TYW1: variants seen among roughly 807,000 people sequenced by gnomAD.
The protein encoded by TYW1 is S-adenosyl-L-methionine-dependent tRNA 4-demethylwyosine synthase TYW1.
Under a neutral mutation model 96.2 loss-of-function variants are expected in TYW1, and 46 were observed. The observed-to-expected ratio is 0.48, with a 90% confidence interval of 0.38 to 0.61. TYW1 has a LOEUF of 0.61. Ranked by LOEUF, TYW1 falls within the 20% of genes least tolerant of loss-of-function variation. The probability of loss-of-function intolerance (pLI) is 0.00; values close to 1 mark genes in which losing one functional copy is unlikely to be tolerated. For synonymous variants in TYW1, 274 were observed against 323.0 expected, an observed-to-expected ratio of 0.85 and a Z score of 1.63; for missense variants, 684 against 909.6, an observed-to-expected ratio of 0.75 and a Z score of 3.19.
intron 13 of TYW1, among the ~76,000 whole-genome samples, chr7:67,149,744 A>G (rs1221885508): frequency 3.5e-5 from 3 of 84,726 alleles, no homozygotes; most frequent in Non-Finnish European, 7.4e-5. Context: ...CTATCTATCT[A>G]TCTATCTATC....
At chr7:67,025,867 A>C (rs1348413357) in intron 7 of TYW1, among the ~76,000 whole-genome samples, 3 of 150,764 alleles carry the variant, frequency 2.0e-5, no homozygotes, top group Non-Finnish European at 4.4e-5. Flanking sequence ...ATAAGCCTTA[A>C]AAAAAAAAGC....
intron 13 of TYW1, among the ~76,000 whole-genome samples, chr7:67,164,044 A>C (rs550037595): frequency 6.6e-6 from 1 of 152,258 alleles, no homozygotes; most frequent in Admixed American, 6.5e-5. Flanking sequence ...AAACCCAACC[A>C]ATCTCATCTT....
chr7:67,014,638 C>T lies in TYW1; in HGVS notation c.570+77C>T, dbSNP rs531852364. On this transcript the variant is annotated intron_variant, in intron 5 of 15. Coordinates refer to ENST00000359626, the MANE Select transcript of TYW1 (RefSeq NM_018264.4). ...ACGCACACACACGTAAACACACACA[C>T]GTGCACACACGCACACACACATAAA... is the stretch of plus-strand genomic sequence containing the variant. 1.7e-4 allele frequency: 261 copies of T among 1,507,514 alleles called. No individual in the cohort carries two copies. In the African/African-American group the frequency reaches 2.0e-3, roughly 12 times the overall value. The allele number at this position is 1,507,514 out of a possible 1,614,324, so 93.4% of individuals were successfully genotyped here. A position where few individuals can be genotyped will look rare whatever the true frequency, so the allele number is the denominator to read the frequency against.
In TYW1 at chr7:67,018,152, C is replaced by T. The variant is rs1794093322; in HGVS notation, c.861+9C>T. 6.2e-7 allele frequency: 1 copy of T among 1,608,094 alleles called. No individual in the cohort carries two copies. The highest frequency in any genetic ancestry group is 1.7e-4 in the Middle Eastern group (1 of 6,044). The stretch of plus-strand genomic sequence containing the variant: ...ATCATAGAGACACCGAGGTATACCG[C>T]CTGTGTGTTCATCTCTCGAGGCTTT... On this transcript the variant is annotated intron_variant, in intron 6 of 15. Transcript: ENST00000359626.
intron 15 of TYW1, among the ~76,000 whole-genome samples, chr7:67,235,551 G>T (rs1277174142): frequency 6.6e-6 from 1 of 152,140 alleles, no homozygotes; most frequent in East Asian, 1.9e-4. Flanking sequence ...GATGTCAGTA[G>T]AACGGGTGGA....
intron 13 of TYW1, among the ~76,000 whole-genome samples, chr7:67,123,100 G>A (rs541050964): frequency 6.6e-6 from 1 of 152,258 alleles, no homozygotes; most frequent in South Asian, 2.1e-4. Context: ...GTTCTGACAA[G>A]TTTCCCTTCT....
At chr7:67,123,541 G>C (rs1353515769) in intron 13 of TYW1, among the ~76,000 whole-genome samples, 4 of 152,188 alleles carry the variant, frequency 2.6e-5, no homozygotes, top group Non-Finnish European at 5.9e-5. Flanking sequence ...ATGTCTAGTG[G>C]ATAATAGCTT....
At chr7:67,065,831 T>G (rs1795840128) in intron 9 of TYW1, among the ~76,000 whole-genome samples, 1 of 151,980 alleles carries the variant, frequency 6.6e-6, no homozygotes, top group Non-Finnish European at 1.5e-5. Context: ...ACCAATATGG[T>G]AAAACCCTGT....
Position 67,123,120 on chromosome 7 carries a change from A to AT in TYW1, c.1698+5506dup, listed in dbSNP as rs1797810034. 2.6e-5 allele frequency among the ~76,000 whole-genome samples: 4 copies of AT among 152,006 alleles called. No homozygotes were observed. In the South Asian group the frequency reaches 8.3e-4, roughly 32 times the overall value. On this transcript the variant is annotated intron_variant, in intron 13 of 15. Transcript: ENST00000359626. ...GACAAGTTTCCCTTCTTATTGACCT[A>AT]TTTTGTTTATTTCCACCTCTCATCA...
intron 10 of TYW1, among the ~76,000 whole-genome samples, chr7:67,069,009 T>A (rs1016971391): frequency 1.3e-5 from 2 of 152,228 alleles, no homozygotes; most frequent in East Asian, 3.8e-4. Context: ...CCAAAATGAT[T>A]TAATACTTTC....
intron 12 of TYW1, among the ~76,000 whole-genome samples, chr7:67,104,390 G>A (rs972621938): frequency 3.9e-5 from 6 of 152,186 alleles, no homozygotes; most frequent in African/African-American, 9.6e-5. Flanking sequence ...AGGAGGAAGA[G>A]AATGAAGGGG....
rs186158303 is a variant in TYW1, at chr7:67,239,072, C to G, written c.*543C>G. ...ACAACTCTCAATTATTTTTTAAATA[C>G]TGCATAGATTGAGTTTTGGTTTATT... On this transcript the variant is annotated 3_prime_UTR_variant, in exon 16 of 16. Coordinates refer to ENST00000359626, the MANE Select transcript of TYW1 (RefSeq NM_018264.4). The G allele has an allele frequency of 2.0e-6, 2 of 987,174 alleles. No individual in the cohort carries two copies. Among genetic ancestry groups the G allele is most frequent in the African/African-American group, 3.5e-5 (2 of 57,364 alleles). The allele number at this position is 987,174 out of a possible 1,614,324, so 61.2% of individuals were successfully genotyped here.
At chr7:67,140,519 A>G (rs1304227231) in intron 13 of TYW1, among the ~76,000 whole-genome samples, 1 of 152,214 alleles carries the variant, frequency 6.6e-6, no homozygotes, top group Non-Finnish European at 1.5e-5. Flanking sequence ...ATCATTAAAT[A>G]AAGACCTATA....
chr7:67,222,871 T>TC (rs1169864114), intron 15 of TYW1, among the ~76,000 whole-genome samples: 8 of 148,696 alleles, frequency 5.4e-5, no homozygotes, highest in Admixed American at 1.3e-4. Flanking sequence ...TTTTTCTTTT[T>TC]TTTTTTTTTT....
At chr7:67,058,731 C>T (rs959291094) in intron 9 of TYW1, among the ~76,000 whole-genome samples, 1 of 152,068 alleles carries the variant, frequency 6.6e-6, no homozygotes, top group African/African-American at 2.4e-5. Context: ...CTGCCTTGGC[C>T]TCTGAAAGTG....
intron 13 of TYW1, among the ~76,000 whole-genome samples, chr7:67,179,425 C>T (rs1483464805): frequency 7.4e-6 from 1 of 135,860 alleles, no homozygotes; most frequent in Admixed American, 7.3e-5. Context: ...AGTCTCCCAC[C>T]TCACTACTGC....
intron 10 of TYW1, among the ~76,000 whole-genome samples, chr7:67,069,262 T>C (rs1216064563): frequency 6.6e-6 from 1 of 152,214 alleles, no homozygotes; most frequent in Non-Finnish European, 1.5e-5. Context: ...CTATTTTGAA[T>C]TGATATTATT....
intron 13 of TYW1, among the ~76,000 whole-genome samples, chr7:67,118,878 G>T (rs866392678): frequency 4.2e-5 from 3 of 72,242 alleles, no homozygotes; most frequent in South Asian, 4.2e-4. Context: ...ACCCCTATCT[G>T]AAAAAAAAAA....
At chr7:67,186,575 G>GC (rs1452224132) in intron 14 of TYW1, among the ~76,000 whole-genome samples, 2 of 151,910 alleles carry the variant, frequency 1.3e-5, no homozygotes, top group Non-Finnish European at 2.9e-5. Flanking sequence ...GCAGCCTCCA[G>GC]CTCCTGGGCT....
Sources: gnomAD v4.1 joint callset for allele counts (sites outside exome capture counted in the v4.1 genomes callset) on GRCh38, gnomAD v4.1.1 for gene constraint, MANE v1.5 for transcripts, NCBI Gene and HGNC (gene_info 2026-07-23, HGNC 2026-07-21) for gene names.